Variants in RAI14 observed in about 807,000 individuals in gnomAD.
RAI14 encodes the protein ankycorbin.
A neutral mutation model predicts 115.4 loss-of-function variants in RAI14; 45 were observed. That is an observed-to-expected ratio of 0.39 (90% confidence interval 0.31 to 0.50). The LOEUF (loss-of-function observed/expected upper bound fraction) is 0.50. RAI14 is among the 20% of genes least tolerant of loss of function. The pLI, the probability that RAI14 is intolerant of heterozygous loss-of-function variation, is 0.85. For missense variants in RAI14, 939 were observed against 1,131.2 expected (o/e 0.83, Z 2.44); for synonymous variants, 371 against 415.4 (o/e 0.89, Z 1.30).
rs137941366 is a variant in RAI14, at chr5:34,708,225, C to T, written c.36+21270C>T. ...GGTTTTTGTTTTTTTTTTTTGAGAC[C>T]GAGTTTCACTCTTGTTGCCCAGGCT... On this transcript the variant is annotated intron_variant, in intron 2 of 17. Coordinates refer to ENST00000265109, the MANE Select transcript of RAI14 (RefSeq NM_015577.3). Among the ~76,000 whole-genome samples the T allele has an allele frequency of 8.6e-3, 1,276 of 148,720 alleles. 12 individuals are homozygous for T. The highest frequency in any genetic ancestry group is 0.03 in the African/African-American group (1,213 of 40,558).
intron 2 of RAI14, among the ~76,000 whole-genome samples, chr5:34,718,005 G>A (rs1311539349): frequency 6.6e-6 from 1 of 151,582 alleles, no homozygotes; most frequent in Non-Finnish European, 1.5e-5. Flanking sequence ...CAGAGGCAAG[G>A]CAAGGAGAGG....
intron 1 of RAI14, among the ~76,000 whole-genome samples, chr5:34,664,563 G>A (rs886114374): frequency 2.6e-5 from 4 of 151,654 alleles, no homozygotes; most frequent in South Asian, 2.1e-4. Context: ...TATTGTTATC[G>A]ATAAGATATT....
intron 1 of RAI14, among the ~76,000 whole-genome samples, chr5:34,670,690 C>A (rs1743552102): frequency 6.6e-6 from 1 of 152,184 alleles, no homozygotes; most frequent in South Asian, 2.1e-4. Flanking sequence ...CAATTTGCAA[C>A]TGTTTCTCTG....
In RAI14 at chr5:34,665,935, G is replaced by A. The variant is rs573849886; in HGVS notation, c.-49+9460G>A. Among the ~76,000 whole-genome samples the A allele has an allele frequency of 1.1e-3, 164 of 152,336 alleles. 1 individual carries two copies. Among genetic ancestry groups the A allele is most frequent in the African/African-American group, 3.8e-3 (159 of 41,576 alleles). Reference sequence around the variant, plus strand: ...TAGTCATCGGTTGCTATGTCAACCAGTCAACATACTATTGACCATTTTTAG... The same window carrying A: ...TAGTCATCGGTTGCTATGTCAACCAATCAACATACTATTGACCATTTTTAG... On this transcript the variant is annotated intron_variant, in intron 1 of 17. Coordinates refer to ENST00000265109, the MANE Select transcript of RAI14 (RefSeq NM_015577.3).
Position 34,830,890 on chromosome 5 carries a change from T to C in RAI14, c.*125T>C. The C allele has an allele frequency of 1.4e-6, 2 of 1,473,782 alleles. No homozygotes were observed. Among genetic ancestry groups the C allele is most frequent in the Non-Finnish European group, 1.8e-6 (2 of 1,108,830 alleles). 91.3% of individuals were successfully genotyped at this position (1,473,782 alleles called of 1,614,324 possible). A position where few individuals can be genotyped will look rare whatever the true frequency, so the allele number is the denominator to read the frequency against. ...CTGTGGCCTAGCGTAGCTTCTTCCC[T>C]TTCCAAAGGTTTCTGAGGACTTCTC... On this transcript the variant is annotated 3_prime_UTR_variant, in exon 18 of 18. Transcript: ENST00000265109.
At chr5:34,789,157 C>A (rs1373586180) in intron 3 of RAI14, among the ~76,000 whole-genome samples, 2 of 152,124 alleles carry the variant, frequency 1.3e-5, no homozygotes, top group Non-Finnish European at 2.9e-5. Context: ...CCATCTGCTT[C>A]CTAAGCCTGA....
chr5:34,774,105 C>T (rs1199719676), intron 3 of RAI14, among the ~76,000 whole-genome samples: 1 of 152,020 alleles, frequency 6.6e-6, no homozygotes, highest in Non-Finnish European at 1.5e-5. Flanking sequence ...GTAATCCCAG[C>T]AGTTTGGGAG....
intron 17 of RAI14, 61 bp from the exon 18 acceptor site, chr5:34,830,627 A>C (rs1012128199): frequency 1.2e-5 from 20 of 1,609,560 alleles, no homozygotes; most frequent in Non-Finnish European, 1.5e-5. Flanking sequence ...CATTCCCCAG[A>C]GAAGAAAGTG....
intron 2 of RAI14, among the ~76,000 whole-genome samples, chr5:34,702,459 A>T (rs1740195188): frequency 6.6e-6 from 1 of 152,170 alleles, no homozygotes; most frequent in Admixed American, 6.5e-5. Context: ...AGCCTGGGCG[A>T]TCAAGCAAGA....
chr5:34,660,470 A>G (rs1224451383), intron 1 of RAI14, among the ~76,000 whole-genome samples: 1 of 152,190 alleles, frequency 6.6e-6, no homozygotes, highest in South Asian at 2.1e-4. Flanking sequence ...GTGGCTCTTC[A>G]TTGTAAAATT....
At chr5:34,805,324 C>T (rs1260027742) in intron 5 of RAI14, among the ~76,000 whole-genome samples, 1 of 152,128 alleles carries the variant, frequency 6.6e-6, no homozygotes, top group Non-Finnish European at 1.5e-5. Flanking sequence ...AGTTCTTCAC[C>T]TCTTGTCTCA....
At chr5:34,711,056 G>A (rs1163381762) in intron 2 of RAI14, among the ~76,000 whole-genome samples, 1 of 152,138 alleles carries the variant, frequency 6.6e-6, no homozygotes, top group Non-Finnish European at 1.5e-5. Context: ...AAATTACTCT[G>A]TTGAAATCCT....
At chr5:34,780,614 A>G (rs1751495016) in intron 3 of RAI14, among the ~76,000 whole-genome samples, 1 of 152,248 alleles carries the variant, frequency 6.6e-6, no homozygotes, top group African/African-American at 2.4e-5. Flanking sequence ...CAACAGACAC[A>G]TGAAAAAATG....
Position 34,705,136 on chromosome 5 carries a change from T to A in RAI14, c.36+18181T>A, listed in dbSNP as rs558962833. On this transcript the variant is annotated intron_variant, in intron 2 of 17. Coordinates refer to ENST00000265109, the MANE Select transcript of RAI14 (RefSeq NM_015577.3). ...TAAATTTAAATTTAAAAACAGATAC[T>A]CAATGCAAATATTGGAAAATGCTTA... 9.7e-4 allele frequency among the ~76,000 whole-genome samples: 148 copies of A among 152,242 alleles called. 1 individual carries two copies. The highest frequency in any genetic ancestry group is 2.1e-3 in the Admixed American group (32 of 15,298).
At chr5:34,690,058 G>C (rs569790403) in intron 2 of RAI14, among the ~76,000 whole-genome samples, 7 of 152,148 alleles carry the variant, frequency 4.6e-5, no homozygotes, top group Non-Finnish European at 1.0e-4. Context: ...TGCTGCTGCC[G>C]AACAGGGAAA....
chr5:34,707,485 A>C (rs988706137), intron 2 of RAI14, among the ~76,000 whole-genome samples: 24 of 152,086 alleles, frequency 1.6e-4, no homozygotes, highest in African/African-American at 5.6e-4. Flanking sequence ...TGCTCTCAAA[A>C]GTCTCATTAA....
chr5:34,811,989 T>C, intron 9 of RAI14, 44 bp downstream of exon 9: 1 of 1,498,222 alleles, frequency 6.7e-7, no homozygotes, highest in Non-Finnish European at 9.2e-7. Flanking sequence ...GTTTATCCAC[T>C]CCATTTTCCC....
At chr5:34,818,973 CAG>C in intron 13 of RAI14, 122 bp downstream of exon 13, 1 of 801,330 alleles carries the variant, frequency 1.2e-6, no homozygotes, top group South Asian at 2.0e-5. Context: ...CATGTCCACA[CAG>C]AGCTGCCAGT....
At chr5:34,683,666 G>C (rs1744555446) in intron 1 of RAI14, among the ~76,000 whole-genome samples, 1 of 151,290 alleles carries the variant, frequency 6.6e-6, no homozygotes, top group African/African-American at 2.4e-5. Context: ...GATTTGTCCT[G>C]TTTCCTTAGT....
Sources: gnomAD v4.1 joint callset for allele counts (sites outside exome capture counted in the v4.1 genomes callset) on GRCh38, gnomAD v4.1.1 for gene constraint, MANE v1.5 for transcripts, NCBI Gene and HGNC (gene_info 2026-07-23, HGNC 2026-07-21) for gene names.